HOOK3: variants seen among roughly 807,000 people sequenced by gnomAD.
The protein encoded by HOOK3 is protein Hook homolog 3.
HOOK3 carries 24 observed loss-of-function variants against 116.3 expected under a neutral mutation model. The observed-to-expected ratio is 0.21, with a 90% confidence interval of 0.15 to 0.29. HOOK3 has a LOEUF of 0.29. Ranked by LOEUF, HOOK3 falls within the 10% of genes least tolerant of loss-of-function variation. The pLI is 1.00. For missense variants in HOOK3, 632 were observed against 830.2 expected (o/e 0.76, Z 2.93); for synonymous variants, 275 against 283.0 (o/e 0.97, Z 0.28).
chr8:42,941,346 T>TCTA (rs1239145450), intron 4 of HOOK3, among the ~76,000 whole-genome samples: 1 of 150,444 alleles, frequency 6.6e-6, no homozygotes. Context: ...AAACCCCATC[T>TCTA]CTACTAAAAA....
At chr8:42,910,142 T>A (rs1233833649) in intron 2 of HOOK3, among the ~76,000 whole-genome samples, 1 of 152,220 alleles carries the variant, frequency 6.6e-6, no homozygotes, top group Non-Finnish European at 1.5e-5. Flanking sequence ...ATTTAATGTG[T>A]CCACATTGTA....
At chr8:42,980,350 G>A (rs758379984) in intron 13 of HOOK3, among the ~76,000 whole-genome samples, 8 of 152,044 alleles carry the variant, frequency 5.3e-5, no homozygotes, top group Non-Finnish European at 1.0e-4. Flanking sequence ...GGCCTTTCAC[G>A]TAAACTATCA....
At chr8:42,939,551 G>T (rs1808055282) in intron 4 of HOOK3, among the ~76,000 whole-genome samples, 1 of 148,738 alleles carries the variant, frequency 6.7e-6, no homozygotes, top group African/African-American at 2.5e-5. Context: ...TCCCGGACAG[G>T]GCGGCTGGCC....
chr8:42,899,630 A>G (rs75591081), intron 1 of HOOK3, among the ~76,000 whole-genome samples: 7,437 of 152,306 alleles, frequency 0.049, 375 homozygotes, highest in African/African-American at 0.12. Context: ...GCAAAAATGT[A>G]CACATACACT....
At chr8:42,919,966 T>TC (rs1159910471) in intron 2 of HOOK3, among the ~76,000 whole-genome samples, 4 of 151,534 alleles carry the variant, frequency 2.6e-5, no homozygotes, top group Non-Finnish European at 5.9e-5. Flanking sequence ...TTTTTTTTTT[T>TC]CTGTGAAGGC....
intron 2 of HOOK3, among the ~76,000 whole-genome samples, chr8:42,920,167 C>G (rs138245367): frequency 7.9e-5 from 12 of 152,246 alleles, no homozygotes; most frequent in African/African-American, 2.6e-4. Flanking sequence ...ATAATAGCAT[C>G]TTACTCATGA....
chr8:43,018,629 T>C lies in HOOK3; in HGVS notation c.*131T>C, dbSNP rs1364625032. The C allele has an allele frequency of 1.8e-5, 16 of 909,862 alleles. No homozygotes were observed. Among genetic ancestry groups the C allele is most frequent in the South Asian group, 6.1e-5 (2 of 32,616 alleles). The allele number at this position is 909,862 out of a possible 1,614,324, so 56.4% of individuals were successfully genotyped here. On this transcript the variant is annotated 3_prime_UTR_variant, in exon 22 of 22. Coordinates refer to ENST00000307602, the MANE Select transcript of HOOK3 (RefSeq NM_032410.4). ...ATGTCAATACTTAGTGTTTCTCATTTTGAGGACTTTTTCTCTCTCCTGTAT... is the reference window on the plus strand; with the variant it reads ...ATGTCAATACTTAGTGTTTCTCATTCTGAGGACTTTTTCTCTCTCCTGTAT...
In HOOK3 at chr8:42,925,596, C is replaced by A; in HGVS notation, c.183C>A (p.Ile61=). 1 of 1,605,720 alleles carries A rather than the reference C, an allele frequency of 6.2e-7. No individual in the cohort carries two copies. Among genetic ancestry groups the A allele is most frequent in the Non-Finnish European group, 8.5e-7 (1 of 1,175,100 alleles). The part of the protein sequence containing the change: ...AYFDENWLNR[I]KTEVGDNWRL... Reference sequence around the variant, plus strand: ...TTGATGAAAATTGGCTAAACAGAATCAAAACTGAAGTAGGAGATAATTGGA... The same window carrying A: ...TTGATGAAAATTGGCTAAACAGAATAAAAACTGAAGTAGGAGATAATTGGA... The change falls in exon 3 of 22, where the codon ATC becomes ATA. Residue 61 remains isoleucine (I), a synonymous_variant. Transcript: ENST00000307602.
At chr8:42,983,333 C>CAA (rs1307077397) in intron 14 of HOOK3, among the ~76,000 whole-genome samples, 3 of 55,772 alleles carry the variant, frequency 5.4e-5, no homozygotes, top group Admixed American at 1.9e-4. Context: ...GACTCTGTCT[C>CAA]AAAAAAAAAA....
chr8:43,000,297 A>G (rs1586628659), intron 16 of HOOK3: 1 of 1,279,700 alleles, frequency 7.8e-7, no homozygotes, highest in Non-Finnish European at 1.0e-6. Flanking sequence ...CTTCCTTTTC[A>G]TTTTTATATA....
Position 42,897,073 on chromosome 8 carries a change from G to C in HOOK3, c.-59G>C, listed in dbSNP as rs1199207476. ...AGCTGCGCGGGCCCCCGGATCCCCC[G>C]ACAGAGCGGCGGCGGTGTCTGGCCA... On this transcript the variant is annotated 5_prime_UTR_variant, in exon 1 of 22. Transcript: ENST00000307602. 8.2e-7 allele frequency: 1 copy of C among 1,215,952 alleles called. No homozygotes were observed. The highest frequency in any genetic ancestry group is 1.0e-6 in the Non-Finnish European group (1 of 967,090). 75.3% of individuals were successfully genotyped at this position (1,215,952 alleles called of 1,614,324 possible).
intron 1 of HOOK3, among the ~76,000 whole-genome samples, chr8:42,898,933 A>G (rs1347666334): frequency 6.6e-6 from 1 of 152,270 alleles, no homozygotes. Context: ...GTGTTTTATA[A>G]TAAATTGTTG....
At chr8:42,904,389 A>C (rs951295489) in intron 1 of HOOK3, among the ~76,000 whole-genome samples, 3 of 147,246 alleles carry the variant, frequency 2.0e-5, no homozygotes, top group Non-Finnish European at 4.4e-5. Context: ...GGCTCACTGC[A>C]ACCTCCGCCT....
chr8:42,950,582 A>G, intron 6 of HOOK3, 127 bp downstream of exon 6: 1 of 531,394 alleles, frequency 1.9e-6, no homozygotes, highest in Non-Finnish European at 3.3e-6. Flanking sequence ...TGCATTTATG[A>G]TATAGCTTTT....
chr8:42,966,105 A>G (rs1310412610), intron 9 of HOOK3, among the ~76,000 whole-genome samples: 4 of 152,234 alleles, frequency 2.6e-5, no homozygotes, highest in African/African-American at 7.2e-5. Context: ...GTTATTTTTC[A>G]TAAAGAGTAT....
At chr8:42,962,523 C>T (rs1378927886) in intron 8 of HOOK3, among the ~76,000 whole-genome samples, 2 of 151,328 alleles carry the variant, frequency 1.3e-5, no homozygotes. Context: ...CCTCCTGCCT[C>T]AGCCTCCCAA....
At chr8:42,927,475 T>C (rs1807791161) in intron 3 of HOOK3, among the ~76,000 whole-genome samples, 1 of 152,102 alleles carries the variant, frequency 6.6e-6, no homozygotes, top group Non-Finnish European at 1.5e-5. Flanking sequence ...AGGCTGGTCT[T>C]GAACTCCTAA....
chr8:42,962,957 A>G (rs949044522), intron 8 of HOOK3, among the ~76,000 whole-genome samples: 1 of 151,590 alleles, frequency 6.6e-6, no homozygotes, highest in Non-Finnish European at 1.5e-5. Flanking sequence ...GTTTGCCACC[A>G]CGCCTGGCTA....
rs749665779 is a variant in HOOK3 at position 43,002,108 on chromosome 8, C to T, written c.1622C>T (p.Ser541Leu). Residue 541 changes from serine to leucine, a missense_variant and splice_region_variant, in exon 17 of 22, where the codon TCA becomes TTA. By Grantham distance (145) the Ser-to-Leu change is moderately radical (BLOSUM62 -2). Around this residue, in one of 3 missense-constraint regions of HOOK3, gnomAD observed 483 missense variants for 648.1 expected, o/e 0.75. Transcript: ENST00000307602. Reference protein sequence around the residue: ...LQDQGSKAEDSVLLKKKLEEH... With the variant: ...LQDQGSKAEDLVLLKKKLEEH... ...ACTAATTTTGTTTTTCATTTTTAGT[C>T]AGTCCTTCTAAAAAAGAAGCTTGAA... 4.4e-6 allele frequency: 7 copies of T among 1,575,264 alleles called. No individual in the cohort carries two copies. Among genetic ancestry groups the T allele is most frequent in the Admixed American group, 3.4e-5 (2 of 59,700 alleles).
Sources: gnomAD v4.1 joint callset for allele counts (sites outside exome capture counted in the v4.1 genomes callset) on GRCh38, gnomAD v4.1.1 for gene constraint, gnomAD v4.1.1 regional missense constraint, MANE v1.5 for transcripts, NCBI Gene and HGNC (gene_info 2026-07-23, HGNC 2026-07-21) for gene names.